Variants in ZFAND3 observed in about 807,000 individuals in gnomAD.
ZFAND3 encodes the protein zinc finger AN1-type containing 3, also known as AN1-type zinc finger protein 3.
A neutral mutation model predicts 29.6 loss-of-function variants in ZFAND3; 10 were observed. That is an observed-to-expected ratio of 0.34 (90% CI 0.21 to 0.57). The LOEUF is 0.57. Ranked by LOEUF, ZFAND3 falls within the 20% of genes least tolerant of loss-of-function variation. The pLI, the probability that ZFAND3 is intolerant of heterozygous loss-of-function variation, is 0.86. For synonymous variants in ZFAND3, 128 were observed against 112.6 expected (o/e 1.14, Z -0.87); for missense variants, 230 against 304.5 (o/e 0.76, Z 1.82).
Position 37,948,001 on chromosome 6 carries a change from T to C in ZFAND3, c.112+18002T>C, listed in dbSNP as rs183688854. ...ACATTTTGTATGACCCTCATTTATT[T>C]ATTGAGACTTGTTTTATGACAAAAT... On this transcript the variant is annotated intron_variant, in intron 2 of 5. Transcript: ENST00000287218. Among the ~76,000 whole-genome samples, 166 of 152,334 alleles carry C rather than the reference T, an allele frequency of 1.1e-3. 1 individual carries two copies. The highest frequency in any genetic ancestry group is 1.8e-3 in the Admixed American group (27 of 15,298).
chr6:37,829,726 C>T (rs1466085348), intron 1 of ZFAND3, among the ~76,000 whole-genome samples: 1 of 152,204 alleles, frequency 6.6e-6, no homozygotes, highest in Non-Finnish European at 1.5e-5. Context: ...GTTCCCCCAA[C>T]CTCACCCATG....
chr6:38,123,949 G>A (rs775230575), intron 5 of ZFAND3, among the ~76,000 whole-genome samples: 10 of 152,046 alleles, frequency 6.6e-5, no homozygotes, highest in Non-Finnish European at 1.3e-4. Flanking sequence ...GGAAGGGGAC[G>A]CGAGTAGGTT....
At chr6:38,075,545 A>G (rs1005622469) in intron 3 of ZFAND3, among the ~76,000 whole-genome samples, 1 of 152,208 alleles carries the variant, frequency 6.6e-6, no homozygotes, top group Non-Finnish European at 1.5e-5. Flanking sequence ...TTGAGATGGA[A>G]TCTACTCCTG....
At chr6:37,820,041 G>GGGGGGCGGGGGCC in intron 1 of ZFAND3, 25 bp downstream of exon 1, 1 of 869,942 alleles carries the variant, frequency 1.1e-6, no homozygotes, top group Non-Finnish European at 1.4e-6. Context: ...GGGTGGGGGC[G>GGGGGGCGGGGGCC]GGGGGCGGGG....
intron 5 of ZFAND3, among the ~76,000 whole-genome samples, chr6:38,123,364 G>A (rs1381693361): frequency 6.6e-6 from 1 of 152,178 alleles, no homozygotes; most frequent in African/African-American, 2.4e-5. Context: ...ACGTGTCTGT[G>A]CCTTAATTTT....
chr6:37,836,411 A>T (rs542374311), intron 1 of ZFAND3, among the ~76,000 whole-genome samples: 2 of 152,192 alleles, frequency 1.3e-5, no homozygotes, highest in Non-Finnish European at 2.9e-5. Context: ...ATACACTGAG[A>T]TAGGAGGTAA....
intron 2 of ZFAND3, among the ~76,000 whole-genome samples, chr6:37,944,680 T>G (rs564375152): frequency 6.6e-6 from 1 of 152,320 alleles, no homozygotes; most frequent in South Asian, 2.1e-4. Context: ...GGTAGCAATT[T>G]GAGAACTTAA....
At chr6:37,861,160 G>A (rs1310819663) in intron 1 of ZFAND3, among the ~76,000 whole-genome samples, 2 of 152,128 alleles carry the variant, frequency 1.3e-5, no homozygotes, top group African/African-American at 4.8e-5. Flanking sequence ...GGGAGGCTGA[G>A]GCATGAGAAT....
chr6:37,882,997 T>G (rs1764924059), intron 1 of ZFAND3, among the ~76,000 whole-genome samples: 1 of 152,068 alleles, frequency 6.6e-6, no homozygotes, highest in Non-Finnish European at 1.5e-5. Context: ...GGCAGAAGAA[T>G]CATTTGAGGC....
At chr6:37,912,685 G>C (rs1745680535) in intron 1 of ZFAND3, among the ~76,000 whole-genome samples, 1 of 152,142 alleles carries the variant, frequency 6.6e-6, no homozygotes, top group African/African-American at 2.4e-5. Flanking sequence ...GGGCTTCACT[G>C]TACTTAGTAT....
chr6:37,918,999 G>A (rs779721980), intron 1 of ZFAND3, among the ~76,000 whole-genome samples: 136 of 135,644 alleles, frequency 1.0e-3, no homozygotes, highest in Admixed American at 1.5e-3. Flanking sequence ...TGTTGCCCAG[G>A]CTGGAGTGCA....
chr6:38,153,039 C>T lies in ZFAND3; in HGVS notation c.*650C>T, dbSNP rs183244060. 2 of 985,784 alleles carry T rather than the reference C, an allele frequency of 2.0e-6. No individual in the cohort carries two copies. Among genetic ancestry groups the T allele is most frequent in the East Asian group, 1.1e-4 (1 of 8,816 alleles). The allele number at this position is 985,784 out of a possible 1,614,324, so 61.1% of individuals were successfully genotyped here. A position where few individuals can be genotyped will look rare whatever the true frequency, so the allele number is the denominator to read the frequency against. On this transcript the variant is annotated 3_prime_UTR_variant, in exon 6 of 6. Coordinates refer to ENST00000287218, the MANE Select transcript of ZFAND3 (RefSeq NM_021943.3). Reference sequence around the variant, plus strand: ...ATCACACAAGAAGAGAAACAGTAACCTCACTTTGAAAATTAGCTCCACTCA... The same window carrying T: ...ATCACACAAGAAGAGAAACAGTAACTTCACTTTGAAAATTAGCTCCACTCA...
intron 1 of ZFAND3, among the ~76,000 whole-genome samples, chr6:37,882,379 C>G (rs1764912869): frequency 6.6e-6 from 1 of 152,128 alleles, no homozygotes; most frequent in Admixed American, 6.5e-5. Flanking sequence ...AATTCTCTTC[C>G]TCCTTCCCTT....
intron 2 of ZFAND3, among the ~76,000 whole-genome samples, chr6:37,933,719 C>T (rs1455121880): frequency 1.3e-5 from 2 of 152,126 alleles, no homozygotes; most frequent in African/African-American, 4.8e-5. Flanking sequence ...AGACTCGAAG[C>T]TCAACCAAAA....
chr6:37,970,828 C>T (rs762569963), intron 2 of ZFAND3, among the ~76,000 whole-genome samples: 28 of 152,168 alleles, frequency 1.8e-4, no homozygotes, highest in African/African-American at 2.4e-4. Flanking sequence ...TGGCGTGAAC[C>T]GTGGAATCAG....
chr6:37,895,135 A>G (rs1440605211), intron 1 of ZFAND3, among the ~76,000 whole-genome samples: 3 of 152,040 alleles, frequency 2.0e-5, no homozygotes, highest in East Asian at 1.9e-4. Context: ...TCAGTTATAC[A>G]TATATTAAGC....
At chr6:37,942,866 A>C (rs1399498295) in intron 2 of ZFAND3, among the ~76,000 whole-genome samples, 1 of 152,190 alleles carries the variant, frequency 6.6e-6, no homozygotes, top group Non-Finnish European at 1.5e-5. Context: ...ATAAACTGTA[A>C]TTCATCATTG....
At chr6:38,028,431 CT>C (rs35389230) in intron 2 of ZFAND3, among the ~76,000 whole-genome samples, 44,444 of 148,592 alleles carry the variant, frequency 0.3, 7,065 homozygotes, top group Non-Finnish European at 0.37. Flanking sequence ...CTCACATTAT[CT>C]TTTTTTTTTT....
chr6:37,902,408 G>A (rs1433800610), intron 1 of ZFAND3, among the ~76,000 whole-genome samples: 2 of 152,214 alleles, frequency 1.3e-5, no homozygotes, highest in Admixed American at 1.3e-4. Flanking sequence ...TTGAGGCTGC[G>A]GCTGTGGTGA....
Sources: gnomAD v4.1 joint callset for allele counts (sites outside exome capture counted in the v4.1 genomes callset) on GRCh38, gnomAD v4.1.1 for gene constraint, MANE v1.5 for transcripts, NCBI Gene and HGNC (gene_info 2026-07-23, HGNC 2026-07-21) for gene names.